FOXP1: variants seen among roughly 807,000 people sequenced by gnomAD.
The protein encoded by FOXP1 is forkhead box protein P1.
In FOXP1, 15 loss-of-function variants were observed where a neutral mutation model predicts 98.2. The observed-to-expected ratio is 0.15, with a 90% confidence interval of 0.10 to 0.24. The LOEUF (loss-of-function observed/expected upper bound fraction) is 0.24, where lower values mean the gene tolerates loss of function less well. Ranked by LOEUF, FOXP1 falls within the 10% of genes least tolerant of loss-of-function variation. The probability of loss-of-function intolerance (pLI) is 1.00; values close to 1 mark genes in which losing one functional copy is unlikely to be tolerated. For synonymous variants in FOXP1, 371 were observed against 314.5 expected, an observed-to-expected ratio of 1.18 and a Z score of -1.90; for missense variants, 633 against 848.5, an observed-to-expected ratio of 0.75 and a Z score of 3.15.
intron 3 of FOXP1, among the ~76,000 whole-genome samples, chr3:71,446,642 T>C (rs1211134263): frequency 1.3e-5 from 2 of 152,242 alleles, no homozygotes; most frequent in African/African-American, 2.4e-5. Flanking sequence ...TATGAAGTCA[T>C]GTTCTTACAA....
intron 2 of FOXP1, among the ~76,000 whole-genome samples, chr3:71,494,770 A>G (rs2091293048): frequency 6.6e-6 from 1 of 152,196 alleles, no homozygotes; most frequent in South Asian, 2.1e-4. Context: ...GAAAACTACC[A>G]GGAGATGCTG....
chr3:71,075,669 G>T (rs2053727702), intron 7 of FOXP1, among the ~76,000 whole-genome samples: 2 of 151,906 alleles, frequency 1.3e-5, no homozygotes, highest in East Asian at 3.9e-4. Flanking sequence ...AAGGAGTATG[G>T]TGATTTGCTA....
chr3:70,970,750 T>G lies in FOXP1; in HGVS notation c.1708A>C (p.Asn570His), dbSNP rs749673255. 1 of 1,613,702 alleles carries G rather than the reference T, an allele frequency of 6.2e-7. No homozygotes were observed. The highest frequency in any genetic ancestry group is 8.5e-7 in the Non-Finnish European group (1 of 1,179,594). The change falls in exon 19 of 21, where the codon AAT becomes CAT. Residue 570 changes from asparagine (N) to histidine (H), a missense_variant. Physicochemically the swap from Asn to His is moderately conservative, Grantham distance 68 (BLOSUM62 1). Around this residue, in one of 6 missense-constraint regions of FOXP1, gnomAD observed 150 missense variants for 163.7 expected, o/e 0.92. Transcript: ENST00000649528. ...GTTAATCTTACCTGTAAAGCTGCAT[T>G]GAGAGGTGTGCAGTAGGCGTGGCTG... ...QSSHAYCTPL[N>H]AALQASMAEN...
chr3:71,241,795 T>C (rs1382526353), intron 5 of FOXP1, among the ~76,000 whole-genome samples: 1 of 152,236 alleles, frequency 6.6e-6, no homozygotes, highest in East Asian at 1.9e-4. Flanking sequence ...AATTACACCA[T>C]AATTAGCATA....
At chr3:71,483,183 C>T (rs893213477) in intron 3 of FOXP1, among the ~76,000 whole-genome samples, 1 of 152,078 alleles carries the variant, frequency 6.6e-6, no homozygotes, top group East Asian at 1.9e-4. Flanking sequence ...GACTTGTCTT[C>T]CCTTTTCATT....
intron 5 of FOXP1, among the ~76,000 whole-genome samples, chr3:71,214,159 C>G (rs1455769019): frequency 6.6e-6 from 1 of 152,218 alleles, no homozygotes; most frequent in Non-Finnish European, 1.5e-5. Context: ...TGAGGGGCCC[C>G]TTTGCACAGA....
At chr3:71,504,298 C>A (rs146238003) in intron 2 of FOXP1, among the ~76,000 whole-genome samples, 6 of 152,156 alleles carry the variant, frequency 3.9e-5, no homozygotes, top group Non-Finnish European at 7.4e-5. Flanking sequence ...TTAAAAGGAG[C>A]AGAAACGAAA....
intron 13 of FOXP1, among the ~76,000 whole-genome samples, chr3:70,991,062 T>TC (rs2040526304): frequency 6.6e-6 from 1 of 151,788 alleles, no homozygotes; most frequent in South Asian, 2.1e-4. Flanking sequence ...ATTTTTTTTT[T>TC]TTTTTTTAAG....
chr3:71,571,967 T>C (rs977491809), intron 2 of FOXP1: 1 of 152,208 alleles, frequency 6.6e-6, no homozygotes, highest in Non-Finnish European at 1.5e-5. Flanking sequence ...TATATCTTTA[T>C]TTATATGGCT....
At chr3:71,088,592 T>C (rs1171102514) in intron 7 of FOXP1, among the ~76,000 whole-genome samples, 1 of 152,168 alleles carries the variant, frequency 6.6e-6, no homozygotes, top group African/African-American at 2.4e-5. Flanking sequence ...GATCTCATTA[T>C]TTTTCTTGAA....
At chr3:70,962,053 A>C (rs774430489) in intron 20 of FOXP1, among the ~76,000 whole-genome samples, 1 of 152,206 alleles carries the variant, frequency 6.6e-6, no homozygotes, top group Non-Finnish European at 1.5e-5. Flanking sequence ...GATTCCTTTA[A>C]AAAACACAAA....
chr3:71,471,138 G>A (rs1344294192), intron 3 of FOXP1, among the ~76,000 whole-genome samples: 2 of 152,128 alleles, frequency 1.3e-5, no homozygotes, highest in Non-Finnish European at 2.9e-5. Flanking sequence ...GCATCCTACT[G>A]TGTGCTAGAT....
intron 6 of FOXP1, among the ~76,000 whole-genome samples, chr3:71,155,202 C>T (rs2060761808): frequency 6.6e-6 from 1 of 152,102 alleles, no homozygotes; most frequent in African/African-American, 2.4e-5. Context: ...TAAAGGTAAC[C>T]AGGGAACCAA....
chr3:71,038,264 A>G (rs1014109020), intron 11 of FOXP1, among the ~76,000 whole-genome samples: 3 of 152,142 alleles, frequency 2.0e-5, no homozygotes, highest in African/African-American at 4.8e-5. Flanking sequence ...CCCATCGAGC[A>G]CCCCCAGATC....
At chr3:70,992,584 C>T (rs1468131201) in intron 13 of FOXP1, among the ~76,000 whole-genome samples, 2 of 152,190 alleles carry the variant, frequency 1.3e-5, no homozygotes, top group African/African-American at 4.8e-5. Flanking sequence ...ACACCAACTA[C>T]CGCATTCAGG....
intron 7 of FOXP1, among the ~76,000 whole-genome samples, chr3:71,076,351 T>C (rs1576609727): frequency 6.6e-6 from 1 of 152,240 alleles, no homozygotes; most frequent in Non-Finnish European, 1.5e-5. Context: ...ATTTGATCAT[T>C]TGCTGAATTA....
intron 20 of FOXP1, 145 bp from the exon 21 acceptor site, chr3:70,959,536 TTTAAA>T: frequency 1.2e-6 from 1 of 845,218 alleles, no homozygotes; most frequent in South Asian, 1.5e-5. Flanking sequence ...CACGTGGCTC[TTTAAA>T]TTGAAATGAA....
chr3:70,986,519 T>C (rs2039764403), intron 14 of FOXP1, among the ~76,000 whole-genome samples: 1 of 152,228 alleles, frequency 6.6e-6, no homozygotes, highest in African/African-American at 2.4e-5. Context: ...ATCTGAAGAC[T>C]TTCAAAAAGT....
At chr3:71,322,583 A>C (rs4677035) in intron 4 of FOXP1, among the ~76,000 whole-genome samples, 95,267 of 151,974 alleles carry the variant, frequency 0.63, 31,850 homozygotes, top group East Asian at 0.9. Flanking sequence ...AACAGGAGCC[A>C]GGTGGAGCGA....
Sources: allele counts gnomAD v4.1 joint callset (sites outside exome capture counted in the v4.1 genomes callset), GRCh38; gene constraint gnomAD v4.1.1; regional missense constraint gnomAD v4.1.1; transcripts MANE v1.5; gene names NCBI Gene and HGNC (gene_info 2026-07-23, HGNC 2026-07-21).